Variants in YTHDF1 observed in about 807,000 individuals in gnomAD.
YTHDF1 encodes YTH domain-containing family protein 1.
YTHDF1 carries 16 observed loss-of-function variants against 49.1 expected under a neutral mutation model. That is an observed-to-expected ratio of 0.33 (90% CI 0.22 to 0.49). The LOEUF is 0.49. YTHDF1 is among the 20% of genes least tolerant of loss of function. The probability of loss-of-function intolerance (pLI) is 0.99; values close to 1 mark genes in which losing one functional copy is unlikely to be tolerated. For missense variants in YTHDF1, 621 were observed against 744.3 expected (o/e 0.83, Z 1.93); for synonymous variants, 313 against 290.1 (o/e 1.08, Z -0.80).
At chr20:63,214,269 AAAG>A (rs2066590390) in intron 2 of YTHDF1, 1 of 328,676 alleles carries the variant, frequency 3.0e-6, no homozygotes, top group African/African-American at 2.2e-5. Flanking sequence ...TGTGTGGCAA[AAAG>A]AAGTGGAGCC....
rs151192401 is a variant in YTHDF1, at chr20:63,203,478, G to T, written c.462C>A (p.Pro154=). 4 of 1,613,498 alleles carry T rather than the reference G, an allele frequency of 2.5e-6. No homozygotes were observed. In the South Asian group the frequency reaches 3.3e-5, roughly 13 times the overall value. ...CCACCGTGCCACCCAGGGAGCTCGG[G>T]GGGTAGGTGTAGCTGCTCCCATACG... is the stretch of plus-strand genomic sequence containing the variant. ...SSAYGSSYTY[P]PSSLGGTVVD... Residue 154 remains proline (P), a synonymous_variant, in exon 4 of 5, where the codon CCC becomes CCA. Transcript: ENST00000370339. This position sits in a 1 kb window ranked among gnomAD's most constrained non-coding sequence, Gnocchi z 4.4.
rs899458171 is a variant in YTHDF1 at position 63,207,140 on chromosome 20, G to C, written c.133-3333C>G. 3.3e-5 allele frequency among the ~76,000 whole-genome samples: 5 copies of C among 152,358 alleles called. No homozygotes were observed. In the South Asian group the frequency reaches 8.3e-4, roughly 25 times the overall value. ...TTAGTGCCACGGCTCCATGGGCACT[G>C]AGTTATGAGTGTGAAAGTTTACTTC... On this transcript the variant is annotated intron_variant, in intron 3 of 4. Coordinates refer to ENST00000370339, the MANE Select transcript of YTHDF1 (RefSeq NM_017798.4).
intron 3 of YTHDF1, among the ~76,000 whole-genome samples, chr20:63,209,772 G>C (rs1023405671): frequency 1.3e-5 from 2 of 152,154 alleles, no homozygotes; most frequent in Non-Finnish European, 2.9e-5. Context: ...TATTAGCCTA[G>C]GCCTACACAG....
chr20:63,213,778 T>C, intron 3 of YTHDF1, 86 bp downstream of exon 3: 1 of 1,237,710 alleles, frequency 8.1e-7, no homozygotes, highest in Non-Finnish European at 1.1e-6. Flanking sequence ...TTGTTTAGGA[T>C]AATTTAAAAA....
chr20:63,197,658 C>A (rs1485366133), intron 4 of YTHDF1, among the ~76,000 whole-genome samples: 1 of 152,040 alleles, frequency 6.6e-6, no homozygotes, highest in Non-Finnish European at 1.5e-5. Context: ...GCGAGAGGAT[C>A]GCTTGAGCCC....
In YTHDF1 at chr20:63,215,874, C is replaced by A; in HGVS notation, c.19G>T (p.Asp7Tyr). The change falls in exon 1 of 5, where the codon GAC becomes TAC. Residue 7 changes from aspartate to tyrosine, a missense_variant. By Grantham distance (160) the Asp-to-Tyr change is radical (BLOSUM62 -3). This residue lies in a region of YTHDF1 where 470 missense variants were observed against 495.8 expected (regional missense o/e 0.95). Transcript: ENST00000370339. MSATSV[D>Y]TQRTKGQDNK... ...TAACCCGGCCCCGCTACCTGGGTGT[C>A]CACGCTGGTGGCCGACATGCTTCAT... The A allele has an allele frequency of 4.8e-6, 7 of 1,451,740 alleles. No individual in the cohort carries two copies. The highest frequency in any genetic ancestry group is 1.4e-5 in the South Asian group (1 of 73,816). 89.9% of individuals were successfully genotyped at this position (1,451,740 alleles called of 1,614,324 possible). A position where few individuals can be genotyped will look rare whatever the true frequency, so the allele number is the denominator to read the frequency against.
In YTHDF1 at chr20:63,202,493, C is replaced by T. The variant is rs1212550873; in HGVS notation, c.1447G>A (p.Asp483Asn). The T allele has an allele frequency of 6.2e-7, 1 of 1,614,116 alleles. No homozygotes were observed. The highest frequency in any genetic ancestry group is 8.5e-7 in the Non-Finnish European group (1 of 1,180,038). ...KFDVQWIFVK[D>N]VPNNQLRHIR... Reference sequence around the variant, plus strand: ...TGCCGGAGCTGGTTATTGGGTACATCCTTAACAAAAATCCACTGGACATCA... The same window carrying T: ...TGCCGGAGCTGGTTATTGGGTACATTCTTAACAAAAATCCACTGGACATCA... The change falls in exon 4 of 5, where the codon GAT (aspartate) becomes AAT (asparagine). Residue 483 changes from aspartate (D) to asparagine (N), a missense_variant. Around this residue, in one of 2 missense-constraint regions of YTHDF1, gnomAD observed 151 missense variants for 248.5 expected, o/e 0.61. Coordinates refer to ENST00000370339, the MANE Select transcript of YTHDF1 (RefSeq NM_017798.4).
chr20:63,202,879 A>G lies in YTHDF1; in HGVS notation c.1061T>C (p.Val354Ala). 1 of 1,613,892 alleles carries G rather than the reference A, an allele frequency of 6.2e-7. No individual in the cohort carries two copies. The highest frequency in any genetic ancestry group is 8.5e-7 in the Non-Finnish European group (1 of 1,180,042). The change falls in exon 4 of 5, where the codon GTC becomes GCC. Residue 354 changes from valine to alanine, a missense_variant. Physicochemically the swap from Val to Ala is moderately conservative, Grantham distance 64. Coordinates refer to ENST00000370339, the MANE Select transcript of YTHDF1 (RefSeq NM_017798.4). ...AGSDSNSPGN[V>A]QPNSAPSVES... ...GACGCTGGGGGCAGAATTAGGCTGG[A>G]CGTTTCCAGGAGAGTTGCTATCGCT...
chr20:63,209,868 A>G (rs1263703514), intron 3 of YTHDF1, among the ~76,000 whole-genome samples: 9 of 152,216 alleles, frequency 5.9e-5, no homozygotes, highest in African/African-American at 1.9e-4. Flanking sequence ...CTCCTGTCAC[A>G]CCAATTGCCT....
Position 63,213,954 on chromosome 20 carries a change from A to C in YTHDF1, c.53-11T>G, listed in dbSNP as rs761583137. On this transcript the variant is annotated splice_polypyrimidine_tract_variant and intron_variant, in intron 2 of 4. Coordinates refer to ENST00000370339, the MANE Select transcript of YTHDF1 (RefSeq NM_017798.4). ...ACGAACCATTTTGTACTAGAACAAAAAGTTGCAAAATATTACCCTCAAATT... is the reference window on the plus strand; with the variant it reads ...ACGAACCATTTTGTACTAGAACAAACAGTTGCAAAATATTACCCTCAAATT... The C allele has an allele frequency of 6.4e-7, 1 of 1,571,668 alleles. No individual in the cohort carries two copies. Among genetic ancestry groups the C allele is most frequent in the South Asian group, 1.2e-5 (1 of 83,920 alleles).
chr20:63,211,840 C>T (rs2066575798), intron 3 of YTHDF1, among the ~76,000 whole-genome samples: 1 of 151,992 alleles, frequency 6.6e-6, no homozygotes, highest in South Asian at 2.1e-4. Flanking sequence ...GCCTGTAGTC[C>T]CAGCTATTCA....
At chr20:63,197,940 GCCT>G (rs891191454) in intron 4 of YTHDF1, among the ~76,000 whole-genome samples, 4 of 152,086 alleles carry the variant, frequency 2.6e-5, no homozygotes, top group African/African-American at 9.7e-5. Context: ...ATAAACACCA[GCCT>G]CCTCAACTGT....
intron 3 of YTHDF1, among the ~76,000 whole-genome samples, chr20:63,206,724 A>G (rs1248144981): frequency 6.6e-6 from 1 of 152,170 alleles, no homozygotes; most frequent in Non-Finnish European, 1.5e-5. Context: ...TTTTACCTCA[A>G]TCTCACTGAC....
chr20:63,203,609 G>T lies in YTHDF1; in HGVS notation c.331C>A (p.Leu111Met). 1 of 1,614,134 alleles carries T rather than the reference G, an allele frequency of 6.2e-7. No homozygotes were observed. The highest frequency in any genetic ancestry group is 8.5e-7 in the Non-Finnish European group (1 of 1,180,024). Residue 111 changes from leucine (L) to methionine (M), a missense_variant, in exon 4 of 5, where the codon CTG (leucine) becomes ATG (methionine). Around this residue, in one of 2 missense-constraint regions of YTHDF1, gnomAD observed 470 missense variants for 495.8 expected, o/e 0.95. Transcript: ENST00000370339. This position sits in a 1 kb window ranked among gnomAD's most constrained non-coding sequence, Gnocchi z 4.4. Reference sequence around the variant, plus strand: ...CTGTGCTGATAGATGTTGTTCCCCAGGCCCCCAGGCTGCCCAAAAACAGCA... The same window carrying T: ...CTGTGCTGATAGATGTTGTTCCCCATGCCCCCAGGCTGCCCAAAAACAGCA... ...HDAVFGQPGG[L>M]GNNIYQHRFN... is the part of the protein sequence containing the mutation.
In YTHDF1 at chr20:63,215,718, C is replaced by T. The variant is rs2066598901; in HGVS notation, c.28-117G>A. On this transcript the variant is annotated intron_variant, in intron 1 of 4. Coordinates refer to ENST00000370339, the MANE Select transcript of YTHDF1 (RefSeq NM_017798.4). ...GCCGCGAGCTCCGCCGGCCCCGACGCGCGGTCACGTGCGACCCCGGCCCCG... is the reference window on the plus strand; with the variant it reads ...GCCGCGAGCTCCGCCGGCCCCGACGTGCGGTCACGTGCGACCCCGGCCCCG... 13 of 1,401,304 alleles carry T rather than the reference C, an allele frequency of 9.3e-6. No homozygotes were observed. In the South Asian group the frequency reaches 1.9e-4, roughly 20 times the overall value. The allele number at this position is 1,401,304 out of a possible 1,614,324, so 86.8% of individuals were successfully genotyped here.
At chr20:63,207,875 C>T (rs2066555472) in intron 3 of YTHDF1, among the ~76,000 whole-genome samples, 1 of 151,936 alleles carries the variant, frequency 6.6e-6, no homozygotes, top group South Asian at 2.1e-4. Flanking sequence ...CCTGTAGTCC[C>T]AGCTACTCCG....
At chr20:63,207,822 T>C (rs1259144209) in intron 3 of YTHDF1, among the ~76,000 whole-genome samples, 2 of 151,920 alleles carry the variant, frequency 1.3e-5, no homozygotes, top group East Asian at 1.9e-4. Flanking sequence ...CTGATCAATA[T>C]GGTTAAACCC....
Position 63,203,793 on chromosome 20 carries a change from G to C in YTHDF1, c.147C>G (p.Pro49=). ...TGGACAGGTAGGGGTCGCTCATTGA[G>C]GGGTAACTGTTACTCTGCAAAAGCA... The part of the protein sequence containing the change: ...TGQSNQSNSY[P]SMSDPYLSSY... Residue 49 remains proline (P), a synonymous_variant, in exon 4 of 5, where the codon CCC becomes CCG. Coordinates refer to ENST00000370339, the MANE Select transcript of YTHDF1 (RefSeq NM_017798.4). This position sits in a 1 kb window ranked among gnomAD's most constrained non-coding sequence, Gnocchi z 4.4. 1 of 1,601,814 alleles carries C rather than the reference G, an allele frequency of 6.2e-7. No individual in the cohort carries two copies. Among genetic ancestry groups the C allele is most frequent in the Non-Finnish European group, 8.5e-7 (1 of 1,170,254 alleles).
chr20:63,196,843 G>T lies in YTHDF1; in HGVS notation c.1654-109C>A, dbSNP rs750620275. ...TAGCAGCACCTGCAAATCTGGAGGC[G>T]GGACCCTGAATGGTACCCAAGCCAC... On this transcript the variant is annotated intron_variant, in intron 4 of 4. Transcript: ENST00000370339. 9.8e-6 allele frequency: 13 copies of T among 1,329,758 alleles called. No individual in the cohort carries two copies. In the Admixed American group the frequency reaches 2.4e-4, roughly 24 times the overall value. The allele number at this position is 1,329,758 out of a possible 1,614,324, so 82.4% of individuals were successfully genotyped here. A position where few individuals can be genotyped will look rare whatever the true frequency, so the allele number is the denominator to read the frequency against.
Sources: allele counts gnomAD v4.1 joint callset (sites outside exome capture counted in the v4.1 genomes callset), GRCh38; gene constraint gnomAD v4.1.1; regional missense constraint gnomAD v4.1.1; non-coding constraint Gnocchi (gnomAD v3.1); transcripts MANE v1.5; gene names NCBI Gene and HGNC (gene_info 2026-07-23, HGNC 2026-07-21).